Variants in PLXNA2 observed in about 807,000 individuals in gnomAD.
PLXNA2 encodes the protein plexin A2.
Under a neutral mutation model 193.5 loss-of-function variants are expected in PLXNA2, and 91 were observed. That is an observed-to-expected ratio of 0.47 (90% CI 0.40 to 0.56). PLXNA2 has a LOEUF of 0.56. Among genes scored for constraint, PLXNA2 ranks in the 20% least tolerant of loss-of-function variants. The pLI, the probability that PLXNA2 is intolerant of heterozygous loss-of-function variation, is 0.00. For synonymous variants in PLXNA2, 997 were observed against 1,027.3 expected (o/e 0.97, Z 0.56); for missense variants, 1,995 against 2,503.2 (o/e 0.80, Z 4.33).
intron 6 of PLXNA2, among the ~76,000 whole-genome samples, chr1:208,097,261 C>T (rs1452036804): frequency 6.6e-6 from 1 of 152,206 alleles, no homozygotes; most frequent in African/African-American, 2.4e-5. Flanking sequence ...CCGAGCCCTT[C>T]ACAGACAAGG....
Position 208,026,043 on chromosome 1 carries a change from G to A in PLXNA2, c.*1200C>T, listed in dbSNP as rs1664334000. The A allele has an allele frequency of 6.5e-6, 1 of 152,674 alleles. No homozygotes were observed. Among genetic ancestry groups the A allele is most frequent in the South Asian group, 2.1e-4 (1 of 4,832 alleles). The allele number at this position is 152,674 out of a possible 1,614,324, so 9.5% of individuals were successfully genotyped here. A position where few individuals can be genotyped will look rare whatever the true frequency, so the allele number is the denominator to read the frequency against. On this transcript the variant is annotated 3_prime_UTR_variant, in exon 32 of 32. Coordinates refer to ENST00000367033, the MANE Select transcript of PLXNA2 (RefSeq NM_025179.4). ...CATAATAATAAATACTGCAGCTTCTGTAACCTATGCTCTTCAAGTATTGCT... is the reference window on the plus strand; with the variant it reads ...CATAATAATAAATACTGCAGCTTCTATAACCTATGCTCTTCAAGTATTGCT...
At chr1:208,069,569 G>A (rs1665914497) in intron 12 of PLXNA2, among the ~76,000 whole-genome samples, 1 of 152,208 alleles carries the variant, frequency 6.6e-6, no homozygotes, top group Admixed American at 6.5e-5. Context: ...GGGAGGCGCT[G>A]GAAGGCCCAG....
At position 208,054,810 on chromosome 1, in the gene PLXNA2, T is replaced by C. The variant is rs187369486; in HGVS notation, c.2739-272A>G. ...GCTCTGCTGCCTAATTCTGTGGCCA[T>C]TTCTGTGGTTCCCCATGCCTAGCGC... On this transcript the variant is annotated intron_variant, in intron 13 of 31. Transcript: ENST00000367033. Among the ~76,000 whole-genome samples, 188 of 152,352 alleles carry C rather than the reference T, an allele frequency of 1.2e-3. 1 individual carries two copies. Among genetic ancestry groups the C allele is most frequent in the Admixed American group, 1.6e-3 (25 of 15,300 alleles).
At chr1:208,086,587 C>T (rs1230564086) in intron 9 of PLXNA2, among the ~76,000 whole-genome samples, 1 of 152,058 alleles carries the variant, frequency 6.6e-6, no homozygotes, top group African/African-American at 2.4e-5. Flanking sequence ...AGTGTCATCC[C>T]TTGTCAGCTG....
intron 11 of PLXNA2, among the ~76,000 whole-genome samples, chr1:208,079,915 C>T (rs1432051876): frequency 6.6e-6 from 1 of 152,200 alleles, no homozygotes; most frequent in African/African-American, 2.4e-5. Context: ...TCTTATGCTG[C>T]CATCTCTCTT....
chr1:208,145,738 A>C (rs2102489515), intron 3 of PLXNA2, among the ~76,000 whole-genome samples: 1 of 152,348 alleles, frequency 6.6e-6, no homozygotes, highest in South Asian at 2.1e-4. Context: ...ACTGAATCAG[A>C]GACCTAATCT....
At chr1:208,073,288 T>C (rs978307906) in intron 12 of PLXNA2, among the ~76,000 whole-genome samples, 23 of 152,170 alleles carry the variant, frequency 1.5e-4, no homozygotes, top group African/African-American at 5.1e-4. Flanking sequence ...GCTTCAGTCC[T>C]TCTACACAGG....
rs531243887 is a variant in PLXNA2, at chr1:208,233,163, C to T, written c.-81+10480G>A. Among the ~76,000 whole-genome samples the T allele has an allele frequency of 3.2e-4, 49 of 152,234 alleles. 1 individual carries two copies. The highest frequency in any genetic ancestry group is 1.1e-3 in the African/African-American group (44 of 41,546). On this transcript the variant is annotated intron_variant, in intron 1 of 31. Transcript: ENST00000367033. ...CAATACTTATTTGTGACTTGTAGGA[C>T]GATGATTTGCGTGCATACCCTCTCT... is the stretch of plus-strand genomic sequence containing the variant.
intron 3 of PLXNA2, among the ~76,000 whole-genome samples, chr1:208,172,048 C>T (rs1223127288): frequency 3.4e-5 from 5 of 148,436 alleles, no homozygotes; most frequent in Non-Finnish European, 6.0e-5. Context: ...AGGCAAAACC[C>T]GCAATTACTT....
intron 1 of PLXNA2, among the ~76,000 whole-genome samples, chr1:208,231,989 T>C (rs1011829880): frequency 2.0e-5 from 3 of 152,228 alleles, no homozygotes; most frequent in African/African-American, 7.2e-5. Context: ...CAAATGGATA[T>C]GGGGTCTAAG....
intron 12 of PLXNA2, among the ~76,000 whole-genome samples, chr1:208,075,941 C>T (rs1375341664): frequency 6.6e-6 from 1 of 151,600 alleles, no homozygotes; most frequent in African/African-American, 2.4e-5. Context: ...GCCTGTTGTC[C>T]CAGCTACTCA....
chr1:208,030,717 C>T (rs546246892), intron 29 of PLXNA2: 18 of 985,418 alleles, frequency 1.8e-5, no homozygotes, highest in Middle Eastern at 5.2e-4. Context: ...CTGAGGAGAC[C>T]GCTAACTCCA....
At chr1:208,032,702 G>T (rs796775648) in intron 28 of PLXNA2, among the ~76,000 whole-genome samples, 2 of 152,142 alleles carry the variant, frequency 1.3e-5, no homozygotes, top group Non-Finnish European at 2.9e-5. Context: ...TCAACATTTG[G>T]GGGTAGCTGG....
At chr1:208,139,304 G>A (rs1304376607) in intron 4 of PLXNA2, among the ~76,000 whole-genome samples, 1 of 152,106 alleles carries the variant, frequency 6.6e-6, no homozygotes, top group Non-Finnish European at 1.5e-5. Context: ...TCAGAGATGG[G>A]GCCAGGCCTA....
intron 17 of PLXNA2, among the ~76,000 whole-genome samples, chr1:208,047,521 T>C (rs898845776): frequency 3.9e-5 from 6 of 152,198 alleles, no homozygotes; most frequent in African/African-American, 1.4e-4. Context: ...AGGGCCCACG[T>C]GGGGCTTGGG....
intron 12 of PLXNA2, among the ~76,000 whole-genome samples, chr1:208,074,175 C>T (rs1183215462): frequency 2.0e-5 from 3 of 152,190 alleles, no homozygotes; most frequent in African/African-American, 7.2e-5. Context: ...CTACTCATGG[C>T]CCCTTAAGAA....
chr1:208,189,528 C>T (rs1177681550), intron 3 of PLXNA2, among the ~76,000 whole-genome samples: 2 of 149,902 alleles, frequency 1.3e-5, no homozygotes, highest in African/African-American at 4.9e-5. Context: ...AAAAAGCGAA[C>T]CTGGGGCTGA....
At position 208,027,329 on chromosome 1, in the gene PLXNA2, C is replaced by T. The variant is rs763449314; in HGVS notation, c.5599G>A (p.Ala1867Thr). The T allele has an allele frequency of 6.2e-7, 1 of 1,612,716 alleles. No homozygotes were observed. Among genetic ancestry groups the T allele is most frequent in the Non-Finnish European group, 8.5e-7 (1 of 1,179,890 alleles). The change falls in exon 32 of 32, where the codon GCC becomes ACC. Residue 1867 changes from alanine to threonine, a missense_variant. Coordinates refer to ENST00000367033, the MANE Select transcript of PLXNA2 (RefSeq NM_025179.4). ...CGTGCCTGCTCATCCTGCTCTAGGG[C>T]CCCGATGAGCTGAGGAGCAAAAACA... ...VSKYSEELIG[A>T]LEQDEQARRQ...
chr1:208,118,306 G>C lies in PLXNA2; in HGVS notation c.1507-15059C>G, dbSNP rs143287589. 8.4e-3 allele frequency among the ~76,000 whole-genome samples: 1,284 copies of C among 152,324 alleles called. 17 individuals are homozygous for C. The highest frequency in any genetic ancestry group is 0.029 in the African/African-American group (1,222 of 41,570). ...CCTGAAATCCTGGTGTCCTTCCAGG[G>C]AGTGAATAGGTCAGGCAGTCTCTTT... is the stretch of plus-strand genomic sequence containing the variant. On this transcript the variant is annotated intron_variant, in intron 4 of 31. Coordinates refer to ENST00000367033, the MANE Select transcript of PLXNA2 (RefSeq NM_025179.4).
Sources: allele counts gnomAD v4.1 joint callset (sites outside exome capture counted in the v4.1 genomes callset), GRCh38; gene constraint gnomAD v4.1.1; transcripts MANE v1.5; gene names NCBI Gene and HGNC (gene_info 2026-07-23, HGNC 2026-07-21).